Variants in RINT1 observed in about 807,000 individuals in gnomAD.
RINT1 encodes the protein RAD50 interactor 1.
In RINT1, 75 loss-of-function variants were observed where a neutral mutation model predicts 97.7. That is an observed-to-expected ratio of 0.77 (90% CI 0.64 to 0.93). The LOEUF (loss-of-function observed/expected upper bound fraction) is 0.93. RINT1 is among the 40% of genes least tolerant of loss of function. The pLI is 0.00. For missense variants in RINT1, 892 were observed against 925.2 expected (o/e 0.96, Z 0.47); for synonymous variants, 303 against 326.3 (o/e 0.93, Z 0.77).
At position 105,550,359 on chromosome 7, in the gene RINT1, G is replaced by A. The variant is rs1402445606; in HGVS notation, c.1206G>A (p.Val402=). 1.2e-6 allele frequency: 2 copies of A among 1,613,888 alleles called. No homozygotes were observed. Residue 402 remains valine (V), a synonymous_variant, in exon 9 of 15, where the codon GTG becomes GTA. Transcript: ENST00000257700. ...LYDDNLFCHL[V]DEVLLFEREL... ...ATGACAATCTCTTCTGTCATTTGGT[G>A]GATGAAGTACTCTTGTTTGAAAGGG... is the stretch of plus-strand genomic sequence containing the variant.
At position 105,550,435 on chromosome 7, in the gene RINT1, A is replaced by G. The variant is rs1790880065; in HGVS notation, c.1282A>G (p.Ile428Val). The G allele has an allele frequency of 1.2e-6, 2 of 1,614,046 alleles. No homozygotes were observed. The highest frequency in any genetic ancestry group is 1.3e-5 in the African/African-American group (1 of 74,930). ...YPGTFASCMH[I>V]LSEETCFQRW... is the part of the protein sequence containing the mutation. Reference sequence around the variant, plus strand: ...TGGCACTTTTGCTAGTTGTATGCATATTCTATCAGAGGAAACCTGTTTTCA... The same window carrying G: ...TGGCACTTTTGCTAGTTGTATGCATGTTCTATCAGAGGAAACCTGTTTTCA... Residue 428 changes from isoleucine (I) to valine (V), a missense_variant, in exon 9 of 15, where the codon ATT (isoleucine) becomes GTT (valine). Physicochemically the swap from Ile to Val is conservative, Grantham distance 29. Coordinates refer to ENST00000257700, the MANE Select transcript of RINT1 (RefSeq NM_021930.6).
intron 6 of RINT1, among the ~76,000 whole-genome samples, chr7:105,548,033 TG>T (rs1790752366): frequency 6.6e-6 from 1 of 151,980 alleles, no homozygotes; most frequent in Non-Finnish European, 1.5e-5. Flanking sequence ...GGCTCATTTT[TG>T]TGCTTTTTTT....
chr7:105,562,971 A>T (rs1254211927), intron 11 of RINT1, among the ~76,000 whole-genome samples: 1 of 152,212 alleles, frequency 6.6e-6, no homozygotes, highest in Non-Finnish European at 1.5e-5. Flanking sequence ...ATTTGTTCAT[A>T]ATAGACAAAG....
chr7:105,559,144 C>T (rs1318409038), intron 11 of RINT1, among the ~76,000 whole-genome samples: 1 of 150,578 alleles, frequency 6.6e-6, no homozygotes, highest in Non-Finnish European at 1.5e-5. Context: ...CCTGTAATCC[C>T]AGCACTTTGG....
In RINT1 at chr7:105,536,606, A is replaced by T. The variant is rs1015150939; in HGVS notation, c.130A>T (p.Ser44Cys). 4 of 1,605,484 alleles carry T rather than the reference A, an allele frequency of 2.5e-6. No individual in the cohort carries two copies. Among genetic ancestry groups the T allele is most frequent in the Admixed American group, 3.4e-5 (2 of 58,046 alleles). ...AGTTCTTATTGGAAGTAAACAAGTCAGTGAAGGTACAGATAATGGTGATCT... is the reference window on the plus strand; with the variant it reads ...AGTTCTTATTGGAAGTAAACAAGTCTGTGAAGGTACAGATAATGGTGATCT... ...VTVLIGSKQV[S>C]EGTDNGDLPS... Residue 44 changes from serine to cysteine, a missense_variant, in exon 3 of 15, where the codon AGT becomes TGT. Physicochemically the swap from Ser to Cys is moderately radical, Grantham distance 112. Transcript: ENST00000257700.
At chr7:105,555,485 C>A in intron 11 of RINT1, 2 of 276,384 alleles carry the variant, frequency 7.2e-6, no homozygotes, top group Non-Finnish European at 1.4e-5. Context: ...ATAGAGTGAA[C>A]CATACTTGGA....
At position 105,551,626 on chromosome 7, in the gene RINT1, T is replaced by C. The variant is rs555353133; in HGVS notation, c.1390T>C (p.Tyr464His). The C allele has an allele frequency of 6.2e-7, 1 of 1,612,036 alleles. No homozygotes were observed. Among genetic ancestry groups the C allele is most frequent in the South Asian group, 1.1e-5 (1 of 90,680 alleles). ...CTCAGAAGCTGCCTGGGTATCGCAA[T>C]ATAAGGATATCACTGACGTGGATGA... ...LSSEAAWVSQYKDITDVDEMK... is the reference protein window; with the variant it reads ...LSSEAAWVSQHKDITDVDEMK... The change falls in exon 10 of 15, where the codon TAT becomes CAT. Residue 464 changes from tyrosine to histidine, a missense_variant. Physicochemically the swap from Tyr to His is moderately conservative, Grantham distance 83. Coordinates refer to ENST00000257700, the MANE Select transcript of RINT1 (RefSeq NM_021930.6).
rs1326629887 is a variant in RINT1 at position 105,539,927 on chromosome 7, A to G, written c.274-2481A>G. ...CGGATGCTGTGTCTTGTTTATCTGC[A>G]TATTTCTAGCGCAGTGCCTGGTACA... On this transcript the variant is annotated intron_variant, in intron 3 of 14. Transcript: ENST00000257700. Among the ~76,000 whole-genome samples the G allele has an allele frequency of 2.0e-5, 3 of 152,184 alleles. No individual in the cohort carries two copies. In the East Asian group the frequency reaches 5.8e-4, roughly 29 times the overall value.
chr7:105,548,644 G>A lies in RINT1; in HGVS notation c.930G>A (p.Leu310=). The change falls in exon 7 of 15, where the codon CTG becomes CTA. Residue 310 remains leucine (L), a synonymous_variant. Transcript: ENST00000257700. The part of the protein sequence containing the change: ...PSVILPIQVM[L]TPLQKRFRYH... ...TCATCCTGCCCATCCAGGTTATGCT[G>A]ACTCCTCTTCAGAAGAGGTTCAGGT... is the stretch of plus-strand genomic sequence containing the variant. 1 of 1,614,088 alleles carries A rather than the reference G, an allele frequency of 6.2e-7. No individual in the cohort carries two copies. The highest frequency in any genetic ancestry group is 8.5e-7 in the Non-Finnish European group (1 of 1,179,972).
intron 4 of RINT1, among the ~76,000 whole-genome samples, chr7:105,546,414 A>G (rs1004444782): frequency 2.6e-5 from 4 of 152,138 alleles, no homozygotes; most frequent in Non-Finnish European, 4.4e-5. Context: ...AGAGGACTCT[A>G]GGCTCCCAGA....
chr7:105,542,839 G>A (rs1790514986), intron 4 of RINT1, among the ~76,000 whole-genome samples, 190 bp downstream of exon 4: 1 of 151,934 alleles, frequency 6.6e-6, no homozygotes, highest in Non-Finnish European at 1.5e-5. Flanking sequence ...AGCTTTTCAG[G>A]GAGCTTAATT....
intron 14 of RINT1, 94 bp from the exon 15 acceptor site, chr7:105,567,025 C>A: frequency 1.6e-6 from 1 of 641,770 alleles, no homozygotes; most frequent in Non-Finnish European, 2.5e-6. Flanking sequence ...TGTGGACCAG[C>A]AGTGCAGAGA....
At chr7:105,549,952 A>C (rs555629392) in intron 7 of RINT1, 103 bp from the exon 8 acceptor site, 2 of 691,470 alleles carry the variant, frequency 2.9e-6, no homozygotes, top group Non-Finnish European at 4.7e-6. Context: ...ATTTTCAACT[A>C]ATTTTTATAA....
chr7:105,545,395 A>G, intron 4 of RINT1, among the ~76,000 whole-genome samples: 1 of 151,256 alleles, frequency 6.6e-6, no homozygotes, highest in East Asian at 1.9e-4. Context: ...TAAGATTGCA[A>G]TGAGCCGTGA....
chr7:105,558,506 A>C (rs984491196), intron 11 of RINT1, among the ~76,000 whole-genome samples: 1 of 152,116 alleles, frequency 6.6e-6, no homozygotes. Context: ...AACATCATCA[A>C]CTGCTTTACT....
intron 3 of RINT1, among the ~76,000 whole-genome samples, chr7:105,538,372 G>T (rs1721498): frequency 0.25 from 38,226 of 151,984 alleles, 5,771 homozygotes; most frequent in African/African-American, 0.42. Context: ...TTTGGTCATC[G>T]TATATTCTCC....
intron 2 of RINT1, among the ~76,000 whole-genome samples, chr7:105,534,045 C>CA (rs1489830930): frequency 6.6e-6 from 1 of 151,866 alleles, no homozygotes; most frequent in Non-Finnish European, 1.5e-5. Context: ...TACTATGCCA[C>CA]ATTTGAATGG....
chr7:105,538,016 G>C (rs1232450938), intron 3 of RINT1, among the ~76,000 whole-genome samples: 1 of 151,096 alleles, frequency 6.6e-6, no homozygotes, highest in Non-Finnish European at 1.5e-5. Context: ...TTTTTGAGAC[G>C]GAGTCTGACT....
At chr7:105,535,229 C>CTTTTTT (rs57647904) in intron 2 of RINT1, among the ~76,000 whole-genome samples, 1 of 129,416 alleles carries the variant, frequency 7.7e-6, no homozygotes, top group African/African-American at 2.9e-5. Context: ...GCTTAAAAAC[C>CTTTTTT]TTTTTTTTTT....
Sources: gnomAD v4.1 joint callset for allele counts (sites outside exome capture counted in the v4.1 genomes callset) on GRCh38, gnomAD v4.1.1 for gene constraint, MANE v1.5 for transcripts, NCBI Gene and HGNC (gene_info 2026-07-23, HGNC 2026-07-21) for gene names.